The following PTPRD variants were observed in gnomAD, a reference collection of about 807,000 sequenced individuals.
PTPRD encodes receptor-type tyrosine-protein phosphatase delta.
In PTPRD, 34 loss-of-function variants were observed where a neutral mutation model predicts 214.5. The ratio of observed to expected loss-of-function variants is 0.16; its 90% CI spans 0.12 to 0.21. The LOEUF (loss-of-function observed/expected upper bound fraction) is 0.21, where lower values mean the gene tolerates loss of function less well. Among genes scored for constraint, PTPRD ranks in the 10% least tolerant of loss-of-function variants. The probability of loss-of-function intolerance (pLI) is 1.00; values close to 1 mark genes in which losing one functional copy is unlikely to be tolerated. For missense variants in PTPRD, 2,545 were observed against 2,398.7 expected (o/e 1.06, Z -1.27); for synonymous variants, 1,128 against 845.7 (o/e 1.33, Z -5.79).
At chr9:9,923,181 T>C (rs79053882) in intron 5 of PTPRD, among the ~76,000 whole-genome samples, 14,235 of 150,014 alleles carry the variant, frequency 0.095, 1,406 homozygotes, top group East Asian at 0.28. Flanking sequence ...ATAAGACAAA[T>C]GTTAACTCTA....
chr9:8,890,690 T>C (rs919731075), intron 11 of PTPRD, among the ~76,000 whole-genome samples: 2 of 152,214 alleles, frequency 1.3e-5, no homozygotes, highest in Non-Finnish European at 2.9e-5. Context: ...TTTACTTTTC[T>C]CTCCTTTGAG....
chr9:9,328,133 T>G (rs368751506), intron 9 of PTPRD, among the ~76,000 whole-genome samples: 100 of 152,228 alleles, frequency 6.6e-4, no homozygotes, highest in African/African-American at 2.4e-3. Flanking sequence ...TAGATTTGAA[T>G]CCAACATGAC....
At chr9:8,517,085 C>CG (rs2097794128) in intron 21 of PTPRD, among the ~76,000 whole-genome samples, 1 of 152,028 alleles carries the variant, frequency 6.6e-6, no homozygotes. Context: ...GGATTACAGG[C>CG]GTGAGCCACT....
rs75661699 is a variant in PTPRD at position 8,902,685 on chromosome 9, A to G, written c.-104+116012T>C. Among the ~76,000 whole-genome samples, 397 of 152,166 alleles carry G rather than the reference A, an allele frequency of 2.6e-3. 16 individuals carry two copies. The East Asian group carries it at 0.054, about 21-fold the overall frequency. On this transcript the variant is annotated intron_variant, in intron 11 of 45. Coordinates refer to ENST00000381196, the MANE Select transcript of PTPRD (RefSeq NM_002839.4). ...TAACAAGATGTTTGATGATTTGTAT[A>G]TACTTTAAAGTTTAAGAAACAGCAC...
At chr9:8,339,095 A>T (rs1849778622) in intron 42 of PTPRD, 48 bp from the exon 43 acceptor site, 3 of 1,546,560 alleles carry the variant, frequency 1.9e-6, no homozygotes, top group Non-Finnish European at 2.6e-6. Flanking sequence ...TATAAAGAAC[A>T]TTCTGTATAT....
At chr9:10,547,603 T>A (rs921764178) in intron 2 of PTPRD, among the ~76,000 whole-genome samples, 3 of 152,052 alleles carry the variant, frequency 2.0e-5, no homozygotes, top group African/African-American at 7.2e-5. Context: ...TTATAGTATA[T>A]GCTTCATTCT....
At chr9:8,842,742 T>C (rs994663130) in intron 11 of PTPRD, among the ~76,000 whole-genome samples, 30 of 152,204 alleles carry the variant, frequency 2.0e-4, no homozygotes, top group African/African-American at 6.3e-4. Context: ...ATTAATTACA[T>C]GTGACATTGG....
chr9:9,415,245 G>C (rs1369108723), intron 8 of PTPRD, among the ~76,000 whole-genome samples: 1 of 152,122 alleles, frequency 6.6e-6, no homozygotes, highest in Non-Finnish European at 1.5e-5. Flanking sequence ...GGAGACGAAG[G>C]CGGGCAGATC....
intron 11 of PTPRD, among the ~76,000 whole-genome samples, chr9:8,992,896 C>T (rs2099382800): frequency 6.6e-6 from 1 of 152,060 alleles, no homozygotes. Flanking sequence ...GTTTCCATGC[C>T]AGCATTCCTA....
chr9:10,263,275 G>A (rs2154377238), intron 3 of PTPRD, among the ~76,000 whole-genome samples: 1 of 152,280 alleles, frequency 6.6e-6, no homozygotes, highest in East Asian at 1.9e-4. Flanking sequence ...GGCAGAGGTT[G>A]AAACAGTTTG....
chr9:10,588,109 C>G (rs1020214895), intron 2 of PTPRD, among the ~76,000 whole-genome samples: 6 of 151,916 alleles, frequency 3.9e-5, no homozygotes, highest in African/African-American at 1.4e-4. Context: ...ACTGATTTAC[C>G]AGGCAGACAA....
Position 8,314,950 on chromosome 9 carries a change from A to G in PTPRD, c.*2924T>C, listed in dbSNP as rs1266732164. 8.6e-6 allele frequency: 2 copies of G among 232,434 alleles called. No homozygotes were observed. Among genetic ancestry groups the G allele is most frequent in the Non-Finnish European group, 1.7e-5 (2 of 117,294 alleles). 14.4% of individuals were successfully genotyped at this position (232,434 alleles called of 1,614,324 possible). On this transcript the variant is annotated 3_prime_UTR_variant, in exon 46 of 46. Coordinates refer to ENST00000381196, the MANE Select transcript of PTPRD (RefSeq NM_002839.4). ...ACCATGCAAATCATTTTTAAAAAAG[A>G]GCTAAAATAAAGTTCTGTACAAATC...
intron 4 of PTPRD, among the ~76,000 whole-genome samples, chr9:9,952,002 G>A (rs981411783): frequency 1.3e-5 from 2 of 152,210 alleles, no homozygotes; most frequent in Middle Eastern, 3.4e-3. Flanking sequence ...CACAATTATG[G>A]CCTACAGGAA....
At chr9:9,467,318 T>C (rs1589188634) in intron 8 of PTPRD, among the ~76,000 whole-genome samples, 1 of 148,596 alleles carries the variant, frequency 6.7e-6, no homozygotes, top group African/African-American at 2.5e-5. Flanking sequence ...CTAGGCATGG[T>C]GGCTCACACC....
At chr9:8,705,362 G>C (rs2098183494) in intron 12 of PTPRD, among the ~76,000 whole-genome samples, 1 of 152,156 alleles carries the variant, frequency 6.6e-6, no homozygotes, top group Non-Finnish European at 1.5e-5. Flanking sequence ...TGGGATTACA[G>C]GCACCTGCTA....
intron 8 of PTPRD, among the ~76,000 whole-genome samples, chr9:9,474,789 T>C (rs2094901953): frequency 6.6e-6 from 1 of 152,156 alleles, no homozygotes; most frequent in African/African-American, 2.4e-5. Flanking sequence ...TTTTGTATCT[T>C]GCAACTTTAC....
intron 9 of PTPRD, among the ~76,000 whole-genome samples, chr9:9,341,725 C>G (rs757535847): frequency 1.3e-5 from 2 of 151,970 alleles, no homozygotes; most frequent in Admixed American, 1.3e-4. Flanking sequence ...TTAAAGGATA[C>G]CTGTTTGCAT....
chr9:10,321,364 G>C (rs933448808), intron 3 of PTPRD, among the ~76,000 whole-genome samples: 2 of 151,928 alleles, frequency 1.3e-5, no homozygotes, highest in Admixed American at 6.6e-5. Flanking sequence ...TCAAATGAAG[G>C]GTTGAGGAAA....
rs2098847773 is a variant in PTPRD at position 9,781,985 on chromosome 9, G to C, written c.-367-15134C>G. Among the ~76,000 whole-genome samples the C allele has an allele frequency of 2.0e-5, 3 of 152,120 alleles. No homozygotes were observed. The South Asian group carries it at 6.2e-4, about 32-fold the overall frequency. On this transcript the variant is annotated intron_variant, in intron 5 of 45. Transcript: ENST00000381196. The stretch of plus-strand genomic sequence containing the variant: ...TTTTATGTATTTTTAGTAGAGGTGG[G>C]GTTTCACCGTGTTAACCAGGATGGT...
Sources: gnomAD v4.1 joint callset for allele counts (sites outside exome capture counted in the v4.1 genomes callset) on GRCh38, gnomAD v4.1.1 for gene constraint, MANE v1.5 for transcripts, NCBI Gene and HGNC (gene_info 2026-07-23, HGNC 2026-07-21) for gene names.